CACNA1B: variants seen among roughly 807,000 people sequenced by gnomAD.
CACNA1B encodes the protein calcium voltage-gated channel subunit alpha1 B.
Under a neutral mutation model 247.2 loss-of-function variants are expected in CACNA1B, and 70 were observed. That is an observed-to-expected ratio of 0.28 (90% CI 0.23 to 0.35). The LOEUF is 0.35. Ranked by LOEUF, CACNA1B falls within the 10% of genes least tolerant of loss-of-function variation. The pLI is 1.00. For missense variants in CACNA1B, 2,367 were observed against 3,197.4 expected, an observed-to-expected ratio of 0.74 and a Z score of 6.26; for synonymous variants, 1,231 against 1,294.4, an observed-to-expected ratio of 0.95 and a Z score of 1.05.
chr9:138,095,585 A>C (rs1961027353), intron 36 of CACNA1B, among the ~76,000 whole-genome samples: 1 of 152,238 alleles, frequency 6.6e-6, no homozygotes, highest in African/African-American at 2.4e-5. Context: ...GAAGCATAGA[A>C]TTACCATATG....
intron 19 of CACNA1B, 36 bp from the exon 20 acceptor site, chr9:138,024,919 A>T: frequency 6.9e-7 from 1 of 1,453,506 alleles, no homozygotes; most frequent in Non-Finnish European, 9.4e-7. Flanking sequence ...GGTGTGAGCC[A>T]CTGCGCCGAG....
rs529955189 is a variant in CACNA1B at position 138,020,045 on chromosome 9, C to T, written c.2268-2966C>T. ...CCGGGAGGCAGAGGTTGCAGTGAGC[C>T]GTGATCACACCACTGCACTCCAGCC... On this transcript the variant is annotated intron_variant, in intron 18 of 46. Transcript: ENST00000371372. This position sits in a 1 kb window ranked among gnomAD's most constrained non-coding sequence, Gnocchi z 4.1. Among the ~76,000 whole-genome samples, 39 of 148,048 alleles carry T rather than the reference C, an allele frequency of 2.6e-4. No individual in the cohort carries two copies. In the East Asian group the frequency reaches 6.2e-3, roughly 24 times the overall value.
At chr9:138,002,540 T>C (rs943545067) in intron 15 of CACNA1B, among the ~76,000 whole-genome samples, 4 of 116,464 alleles carry the variant, frequency 3.4e-5, no homozygotes, top group Admixed American at 2.6e-4. Flanking sequence ...TGAAAGCCCA[T>C]ATCCAAAAAA....
In CACNA1B at chr9:138,052,731, A is replaced by G. The variant is rs537975297; in HGVS notation, c.3807+543A>G. ...ATTCAAGCCATTGAGACCTGAGGCAATGGGGACTTAGAGAAGAAAGTTTGT... is the reference window on the plus strand; with the variant it reads ...ATTCAAGCCATTGAGACCTGAGGCAGTGGGGACTTAGAGAAGAAAGTTTGT... On this transcript the variant is annotated intron_variant, in intron 25 of 46. Coordinates refer to ENST00000371372, the MANE Select transcript of CACNA1B (RefSeq NM_000718.4). This position sits in a 1 kb window ranked among gnomAD's most constrained non-coding sequence, Gnocchi z 5.1. 9.2e-5 allele frequency among the ~76,000 whole-genome samples: 14 copies of G among 152,308 alleles called. No homozygotes were observed. The highest frequency in any genetic ancestry group is 3.4e-4 in the African/African-American group (14 of 41,574).
chr9:137,986,866 G>C lies in CACNA1B; in HGVS notation c.1974+12G>C. 1.2e-6 allele frequency: 2 copies of C among 1,608,270 alleles called. No homozygotes were observed. On this transcript the variant is annotated intron_variant, in intron 15 of 46. Transcript: ENST00000371372. This position sits in a 1 kb window ranked among gnomAD's most constrained non-coding sequence, Gnocchi z 6.0. ...TCACTGTCTTCCAGGTAAGGCACCT[G>C]CTCTGCACATTTGCGGCCTGCCCGG...
intron 36 of CACNA1B, among the ~76,000 whole-genome samples, chr9:138,091,573 G>C (rs1298713956): frequency 6.6e-6 from 1 of 152,130 alleles, no homozygotes; most frequent in African/African-American, 2.4e-5. Context: ...TCCCAACACA[G>C]AAATAAGTGT....
At position 138,114,495 on chromosome 9, in the gene CACNA1B, C is replaced by A; in HGVS notation, c.5649+5C>A. The A allele has an allele frequency of 6.7e-7, 1 of 1,486,058 alleles. No individual in the cohort carries two copies. Among genetic ancestry groups the A allele is most frequent in the Non-Finnish European group, 9.2e-7 (1 of 1,082,730 alleles). 92.1% of individuals were successfully genotyped at this position (1,486,058 alleles called of 1,614,324 possible). ...GCTCCTGGAGGCCTCTCCCAGGTAG[C>A]TGGCGGCCCTCAGTTTTCCAGGAAA... On this transcript the variant is annotated splice_donor_5th_base_variant and intron_variant, in intron 41 of 46. Coordinates refer to ENST00000371372, the MANE Select transcript of CACNA1B (RefSeq NM_000718.4).
chr9:138,035,480 G>T (rs145813226), intron 20 of CACNA1B, among the ~76,000 whole-genome samples: 3 of 152,112 alleles, frequency 2.0e-5, no homozygotes, highest in African/African-American at 7.2e-5. Flanking sequence ...AGAAAGAAAA[G>T]AAAAAGATGA....
chr9:138,022,476 G>A (rs1406383910), intron 18 of CACNA1B, among the ~76,000 whole-genome samples: 1 of 152,144 alleles, frequency 6.6e-6, no homozygotes, highest in East Asian at 1.9e-4. Context: ...TCACCTGGCT[G>A]GTGGCCTGCC....
intron 36 of CACNA1B, among the ~76,000 whole-genome samples, chr9:138,079,773 G>A (rs1166754673): frequency 6.7e-6 from 1 of 149,864 alleles, no homozygotes; most frequent in East Asian, 1.9e-4. Context: ...AAAGAGGGAG[G>A]CTGAGACAGG....
chr9:138,111,768 C>T (rs1961642377), intron 39 of CACNA1B, among the ~76,000 whole-genome samples: 1 of 151,988 alleles, frequency 6.6e-6, no homozygotes, highest in Non-Finnish European at 1.5e-5. Context: ...GCCTCCCTGG[C>T]CCTTCGGGTG....
chr9:138,006,949 C>T (rs1958659861), intron 16 of CACNA1B, 65 bp downstream of exon 16: 4 of 803,392 alleles, frequency 5.0e-6, no homozygotes, highest in South Asian at 4.3e-5. Flanking sequence ...TCCATGGCCA[C>T]CACGCGGATC....
chr9:137,952,484 C>A lies in CACNA1B; in HGVS notation c.1070+107C>A. ...GGTGGGGGCCTGGCCCATGGGTGCC[C>A]TCTGTGGTGGTTGCCCCTGGTGTTC... On this transcript the variant is annotated intron_variant, in intron 7 of 46. Transcript: ENST00000371372. The surrounding 1 kb of genome is among the most constrained non-coding windows in gnomAD (Gnocchi z 4.8). The A allele has an allele frequency of 1.1e-6, 1 of 895,920 alleles. No individual in the cohort carries two copies. The allele number at this position is 895,920 out of a possible 1,614,324, so 55.5% of individuals were successfully genotyped here. A position where few individuals can be genotyped will look rare whatever the true frequency, so the allele number is the denominator to read the frequency against.
At chr9:137,997,123 C>T (rs917539815) in intron 15 of CACNA1B, among the ~76,000 whole-genome samples, 1 of 152,220 alleles carries the variant, frequency 6.6e-6, no homozygotes, top group Non-Finnish European at 1.5e-5. Context: ...CAAGCACAGT[C>T]AGCCAGAGGT....
chr9:138,069,695 G>C, intron 31 of CACNA1B, 63 bp from the exon 32 acceptor site: 1 of 1,357,504 alleles, frequency 7.4e-7, no homozygotes, highest in Admixed American at 1.7e-5. Context: ...TGCACCTGCT[G>C]CTCAAACCTC....
rs77045862 is a variant in CACNA1B, at chr9:138,072,654, C to T, written c.4675-834C>T. On this transcript the variant is annotated intron_variant, in intron 32 of 46. Coordinates refer to ENST00000371372, the MANE Select transcript of CACNA1B (RefSeq NM_000718.4). This position sits in a 1 kb window ranked among gnomAD's most constrained non-coding sequence, Gnocchi z 4.5. ...GTCCACAAGCACCCCCATCTGTGCA[C>T]GGACACCTCCCCAGAGCCTGCTTCC... is the stretch of plus-strand genomic sequence containing the variant. Among the ~76,000 whole-genome samples the T allele has an allele frequency of 5.9e-5, 9 of 152,352 alleles. No individual in the cohort carries two copies. In the East Asian group the frequency reaches 1.2e-3, roughly 20 times the overall value.
At chr9:138,022,723 C>T (rs1226144930) in intron 18 of CACNA1B, among the ~76,000 whole-genome samples, 1 of 151,632 alleles carries the variant, frequency 6.6e-6, no homozygotes, top group Admixed American at 6.6e-5. Flanking sequence ...TCCCACTGTC[C>T]TGTACCCCTC....
intron 6 of CACNA1B, among the ~76,000 whole-genome samples, chr9:137,949,406 C>T (rs1313986746): frequency 2.7e-5 from 4 of 146,366 alleles, no homozygotes; most frequent in Non-Finnish European, 4.5e-5. Context: ...GCTTGTGTGT[C>T]CAGTGTGTGT....
At chr9:138,053,690 G>T (rs1345593146) in intron 25 of CACNA1B, among the ~76,000 whole-genome samples, 156 bp from the exon 26 acceptor site, 3 of 136,294 alleles carry the variant, frequency 2.2e-5, no homozygotes, top group Non-Finnish European at 4.7e-5. Flanking sequence ...TTTCCTCATG[G>T]CCCCACCCAT....
Sources: gnomAD v4.1 joint callset for allele counts (sites outside exome capture counted in the v4.1 genomes callset) on GRCh38, gnomAD v4.1.1 for gene constraint, Gnocchi (gnomAD v3.1) non-coding constraint, MANE v1.5 for transcripts, NCBI Gene and HGNC (gene_info 2026-07-23, HGNC 2026-07-21) for gene names.